The following TNR variants were observed in gnomAD, a reference collection of about 807,000 sequenced individuals.
The protein encoded by TNR is tenascin R, also known as tenascin-R.
Under a neutral mutation model 150.4 loss-of-function variants are expected in TNR, and 45 were observed. The ratio of observed to expected loss-of-function variants is 0.30; its 90% CI spans 0.24 to 0.38. The LOEUF (loss-of-function observed/expected upper bound fraction) is 0.38, where lower values mean the gene tolerates loss of function less well. TNR is among the 10% of genes least tolerant of loss of function. The pLI is 1.00. For missense variants in TNR, 1,544 were observed against 1,759.1 expected, an observed-to-expected ratio of 0.88 and a Z score of 2.19; for synonymous variants, 687 against 678.4, an observed-to-expected ratio of 1.01 and a Z score of -0.20.
chr1:175,490,632 C>T (rs1658207249), intron 2 of TNR, among the ~76,000 whole-genome samples: 1 of 152,164 alleles, frequency 6.6e-6, no homozygotes, highest in Admixed American at 6.5e-5. Context: ...CTCAACATCA[C>T]TGATCATTAG....
chr1:175,601,414 T>C (rs1205131669), intron 1 of TNR, among the ~76,000 whole-genome samples: 1 of 152,210 alleles, frequency 6.6e-6, no homozygotes, highest in East Asian at 1.9e-4. Context: ...CACAGACTTC[T>C]AGTCATCATG....
At chr1:175,451,306 G>A (rs1019716707) in intron 2 of TNR, among the ~76,000 whole-genome samples, 2 of 151,606 alleles carry the variant, frequency 1.3e-5, no homozygotes, top group Non-Finnish European at 2.9e-5. Context: ...GTGCCATGTT[G>A]GTGTGCTGCA....
At chr1:175,443,224 C>T (rs533224487) in intron 2 of TNR, among the ~76,000 whole-genome samples, 22 of 152,220 alleles carry the variant, frequency 1.4e-4, no homozygotes, top group Admixed American at 1.2e-3. Context: ...TTGATTAAGT[C>T]CCTTCAGCGT....
At chr1:175,702,522 G>A (rs938030722) in intron 1 of TNR, among the ~76,000 whole-genome samples, 1 of 152,220 alleles carries the variant, frequency 6.6e-6, no homozygotes, top group Non-Finnish European at 1.5e-5. Context: ...GCAGGAAAAC[G>A]AATATGAGGG....
intron 2 of TNR, among the ~76,000 whole-genome samples, chr1:175,447,192 G>T (rs889844598): frequency 2.0e-5 from 3 of 152,098 alleles, no homozygotes; most frequent in African/African-American, 4.8e-5. Context: ...TGGAAGTAGG[G>T]GTGGTATGGA....
chr1:175,658,498 G>T (rs1222632212), intron 1 of TNR, among the ~76,000 whole-genome samples: 2 of 152,156 alleles, frequency 1.3e-5, no homozygotes, highest in Non-Finnish European at 2.9e-5. Flanking sequence ...CTCACCTTCG[G>T]CACAGCTGCT....
intron 1 of TNR, among the ~76,000 whole-genome samples, chr1:175,668,905 T>C (rs190296884): frequency 6.6e-6 from 1 of 152,296 alleles, no homozygotes; most frequent in African/African-American, 2.4e-5. Flanking sequence ...CTTACCTCCT[T>C]GGCCTGGTGT....
intron 1 of TNR, among the ~76,000 whole-genome samples, chr1:175,638,748 C>T (rs1571701791): frequency 6.6e-6 from 1 of 152,150 alleles, no homozygotes; most frequent in Non-Finnish European, 1.5e-5. Context: ...CAAATTCCAA[C>T]AAATCATCCA....
intron 9 of TNR, among the ~76,000 whole-genome samples, chr1:175,376,466 C>CAGAGT (rs58978565): frequency 0.37 from 56,915 of 152,004 alleles, 10,943 homozygotes; most frequent in East Asian, 0.52. Context: ...AGTGGCAAGC[C>CAGAGT]TGGGTACAGA....
intron 1 of TNR, among the ~76,000 whole-genome samples, chr1:175,570,994 T>A (rs1050403396): frequency 6.6e-6 from 1 of 152,174 alleles, no homozygotes; most frequent in East Asian, 1.9e-4. Context: ...TTGATGTCAT[T>A]TACTGTCTTC....
At chr1:175,477,166 A>G (rs902875397) in intron 2 of TNR, among the ~76,000 whole-genome samples, 3 of 152,216 alleles carry the variant, frequency 2.0e-5, no homozygotes, top group Non-Finnish European at 2.9e-5. Flanking sequence ...GATTTGAGGT[A>G]TTATTATTAT....
intron 2 of TNR, among the ~76,000 whole-genome samples, chr1:175,435,805 C>T (rs531071435): frequency 2.9e-4 from 44 of 152,246 alleles, no homozygotes; most frequent in African/African-American, 9.6e-4. Context: ...TTAGTGCTTC[C>T]TTTAGGAGCT....
intron 1 of TNR, among the ~76,000 whole-genome samples, chr1:175,615,226 G>A (rs934051462): frequency 4.6e-5 from 7 of 152,178 alleles, no homozygotes; most frequent in African/African-American, 1.7e-4. Context: ...TTTTTAACTG[G>A]TGTGTGTCTC....
chr1:175,567,884 A>AC (rs1661704587), intron 1 of TNR, among the ~76,000 whole-genome samples: 1 of 138,956 alleles, frequency 7.2e-6, no homozygotes, highest in Non-Finnish European at 1.5e-5. Context: ...GTTTAACTTA[A>AC]AAAAAAATCA....
rs188580735 is a variant in TNR at position 175,468,937 on chromosome 1, G to T, written c.-64+59332C>A. The stretch of plus-strand genomic sequence containing the variant: ...GTAGTCCAGGTGACAGTCACTGAAG[G>T]CAGAAGTAGCATCTTGGTGGCAGGG... On this transcript the variant is annotated intron_variant, in intron 2 of 22. Coordinates refer to ENST00000367674, the MANE Select transcript of TNR (RefSeq NM_003285.3). Among the ~76,000 whole-genome samples, 58 of 152,248 alleles carry T rather than the reference G, an allele frequency of 3.8e-4. 1 individual carries two copies. The East Asian group carries it at 0.011, about 29-fold the overall frequency.
intron 1 of TNR, among the ~76,000 whole-genome samples, chr1:175,721,571 G>A (rs1232175772): frequency 6.6e-6 from 1 of 152,096 alleles, no homozygotes; most frequent in Non-Finnish European, 1.5e-5. Flanking sequence ...TGACAATGCC[G>A]TGGGCTTCTC....
chr1:175,434,620 A>T (rs2102073746), intron 2 of TNR, among the ~76,000 whole-genome samples: 2 of 152,292 alleles, frequency 1.3e-5, no homozygotes, highest in Admixed American at 1.3e-4. Flanking sequence ...TAACTCGACA[A>T]TAAAAGTGGT....
intron 2 of TNR, among the ~76,000 whole-genome samples, chr1:175,430,245 C>T (rs1266723235): frequency 6.6e-6 from 1 of 151,948 alleles, no homozygotes; most frequent in Non-Finnish European, 1.5e-5. Flanking sequence ...CTGCTTAGAG[C>T]CTGAGGAAGT....
At chr1:175,608,987 G>T (rs1488284692) in intron 1 of TNR, among the ~76,000 whole-genome samples, 1 of 152,174 alleles carries the variant, frequency 6.6e-6, no homozygotes, top group East Asian at 1.9e-4. Flanking sequence ...CCAAGAAACT[G>T]TCCTTCCACA....
Sources: allele counts gnomAD v4.1 joint callset (sites outside exome capture counted in the v4.1 genomes callset), GRCh38; gene constraint gnomAD v4.1.1; transcripts MANE v1.5; gene names NCBI Gene and HGNC (gene_info 2026-07-23, HGNC 2026-07-21).